ZNF565: variants seen among roughly 807,000 people sequenced by gnomAD.
The protein encoded by ZNF565 is zinc finger protein 565.
Under a neutral mutation model 39.4 loss-of-function variants are expected in ZNF565, and 27 were observed. The observed-to-expected ratio is 0.69, with a 90% confidence interval of 0.51 to 0.95. ZNF565 has a LOEUF of 0.95. ZNF565 is among the 40% of genes least tolerant of loss of function. The probability of loss-of-function intolerance (pLI) is 0.00; values close to 1 mark genes in which losing one functional copy is unlikely to be tolerated. For synonymous variants in ZNF565, 185 were observed against 216.6 expected (o/e 0.85, Z 1.28); for missense variants, 524 against 621.1 (o/e 0.84, Z 1.66).
chr19:36,233,328 C>T (rs1009152280), intron 1 of ZNF565, among the ~76,000 whole-genome samples: 2 of 152,114 alleles, frequency 1.3e-5, no homozygotes, highest in Non-Finnish European at 2.9e-5. Flanking sequence ...TGCAGTGAGT[C>T]GAGATCGCAC....
At chr19:36,230,013 C>T (rs1030357795) in intron 1 of ZNF565, among the ~76,000 whole-genome samples, 4 of 152,186 alleles carry the variant, frequency 2.6e-5, no homozygotes, top group Non-Finnish European at 5.9e-5. Flanking sequence ...AGCCACCGCG[C>T]CTGGCTAACG....
At chr19:36,240,455 A>T (rs1042269747) in intron 1 of ZNF565, among the ~76,000 whole-genome samples, 3 of 152,196 alleles carry the variant, frequency 2.0e-5, no homozygotes, top group African/African-American at 7.2e-5. Context: ...AGGGATGGAG[A>T]CAGATCAGTG....
At chr19:36,227,345 C>T (rs1281173501) in intron 1 of ZNF565, among the ~76,000 whole-genome samples, 7 of 149,344 alleles carry the variant, frequency 4.7e-5, no homozygotes, top group Admixed American at 6.7e-5. Context: ...GCAGAGATCA[C>T]GTCACTGCAC....
At chr19:36,197,376 G>GC (rs1975800481) in intron 2 of ZNF565, among the ~76,000 whole-genome samples, 1 of 152,070 alleles carries the variant, frequency 6.6e-6, no homozygotes, top group African/African-American at 2.4e-5. Flanking sequence ...GGAGGCTGAG[G>GC]CAGGAGAATC....
chr19:36,220,386 A>T (rs1435364317), intron 1 of ZNF565, among the ~76,000 whole-genome samples: 5 of 145,346 alleles, frequency 3.4e-5, no homozygotes, highest in Non-Finnish European at 7.6e-5. Flanking sequence ...TATTTTTGAG[A>T]CGGAGTCTTG....
intron 2 of ZNF565, among the ~76,000 whole-genome samples, chr19:36,199,213 A>G (rs1975869204): frequency 6.6e-6 from 1 of 152,220 alleles, no homozygotes; most frequent in Non-Finnish European, 1.5e-5. Context: ...CCTGAGTTAC[A>G]TAAATGTGGC....
At chr19:36,211,168 C>A in intron 1 of ZNF565, among the ~76,000 whole-genome samples, 1 of 152,020 alleles carries the variant, frequency 6.6e-6, no homozygotes, top group Non-Finnish European at 1.5e-5. Flanking sequence ...TAAGGCCAGG[C>A]GAGGTGGCTC....
At chr19:36,225,011 C>T (rs1028166082) in intron 1 of ZNF565, among the ~76,000 whole-genome samples, 1 of 152,196 alleles carries the variant, frequency 6.6e-6, no homozygotes, top group Non-Finnish European at 1.5e-5. Context: ...ATAATTGAGG[C>T]AGTAGGCATC....
At chr19:36,192,941 C>T (rs762531288) in intron 4 of ZNF565, among the ~76,000 whole-genome samples, 6 of 150,672 alleles carry the variant, frequency 4.0e-5, no homozygotes, top group South Asian at 4.2e-4. Context: ...CTCAGCCTCC[C>T]GAGTGGCTGG....
intron 1 of ZNF565, among the ~76,000 whole-genome samples, chr19:36,222,322 T>G (rs1238016204): frequency 6.6e-6 from 1 of 152,238 alleles, no homozygotes; most frequent in Non-Finnish European, 1.5e-5. Context: ...GTTGATTCAG[T>G]TAATCCCGTT....
At chr19:36,194,186 T>C (rs1234189334) in intron 4 of ZNF565, 47 bp downstream of exon 4, 10 of 1,509,906 alleles carry the variant, frequency 6.6e-6, no homozygotes, top group Non-Finnish European at 9.0e-6. Context: ...CTCCTGTCAG[T>C]CGACTCATCC....
At chr19:36,212,537 G>A (rs967801331) in intron 1 of ZNF565, among the ~76,000 whole-genome samples, 1 of 151,852 alleles carries the variant, frequency 6.6e-6, no homozygotes, top group African/African-American at 2.4e-5. Context: ...CAGGAGAATC[G>A]CTTGAGCCTG....
intron 1 of ZNF565, chr19:36,236,455 C>G: frequency 6.2e-7 from 1 of 1,603,760 alleles, no homozygotes; most frequent in South Asian, 1.1e-5. Context: ...CACACCTCAG[C>G]CAGCAGAGAA....
upstream of ZNF565, among the ~76,000 whole-genome samples, chr19:36,218,619 C>T (rs889029589): frequency 7.9e-5 from 12 of 151,668 alleles, no homozygotes; most frequent in Admixed American, 6.6e-4. Flanking sequence ...GTGCCAGCCA[C>T]CACGCCTGGC....
intron 1 of ZNF565, among the ~76,000 whole-genome samples, chr19:36,231,120 T>C (rs1396365493): frequency 2.0e-5 from 3 of 152,168 alleles, no homozygotes; most frequent in Non-Finnish European, 4.4e-5. Flanking sequence ...CAACTGACTT[T>C]GGGAGGCCAA....
At chr19:36,193,496 A>G (rs1247450505) in intron 4 of ZNF565, among the ~76,000 whole-genome samples, 2 of 138,700 alleles carry the variant, frequency 1.4e-5, no homozygotes, top group Admixed American at 1.5e-4. Flanking sequence ...GCTGGAGTGC[A>G]GTGGCGCGAT....
chr19:36,206,545 G>A (rs1438986142), intron 1 of ZNF565, among the ~76,000 whole-genome samples: 1 of 152,114 alleles, frequency 6.6e-6, no homozygotes, highest in Non-Finnish European at 1.5e-5. Flanking sequence ...TATATGTCAG[G>A]TGGGGCCAGG....
intron 3 of ZNF565, chr19:36,194,795 G>C: frequency 1.6e-6 from 1 of 632,270 alleles, no homozygotes; most frequent in Non-Finnish European, 2.8e-6. Flanking sequence ...CAGTGGACAG[G>C]AGGAGAGAGA....
At chr19:36,218,995 A>G (rs972471610), upstream of ZNF565, among the ~76,000 whole-genome samples, 3 of 150,734 alleles carry the variant, frequency 2.0e-5, no homozygotes, top group East Asian at 5.9e-4. Flanking sequence ...TTTTTAGTAG[A>G]GACGGGATTT....
Sources: allele counts gnomAD v4.1 joint callset (sites outside exome capture counted in the v4.1 genomes callset), GRCh38; gene constraint gnomAD v4.1.1; transcripts MANE v1.5; gene names NCBI Gene and HGNC (gene_info 2026-07-23, HGNC 2026-07-21).